The following FAXC variants were observed in gnomAD, a reference collection of about 807,000 sequenced individuals.
FAXC encodes failed axon connections homolog, metaxin like GST domain containing, also known as failed axon connections homolog.
A neutral mutation model predicts 41.9 loss-of-function variants in FAXC; 10 were observed. The observed-to-expected ratio is 0.24, with a 90% confidence interval of 0.15 to 0.41. The LOEUF is 0.41. FAXC is among the 10% of genes least tolerant of loss of function. FAXC has a pLI of 1.00. For missense variants in FAXC, 399 were observed against 510.9 expected (o/e 0.78, Z 2.11); for synonymous variants, 183 against 183.8 (o/e 1.00, Z 0.03).
chr6:99,341,501 A>T (rs1348804379), intron 2 of FAXC, among the ~76,000 whole-genome samples: 2 of 152,198 alleles, frequency 1.3e-5, no homozygotes, highest in African/African-American at 4.8e-5. Context: ...TTTAAAAAAT[A>T]GGAAGAGACA....
At position 99,272,617 on chromosome 6, in the gene FAXC, G is replaced by C. The variant is rs529814001; in HGVS notation, c.*8547C>G. ...GTTCTCACACTTCGTAACACTCTGA[G>C]GCACACTGGGCATGAAATAAAAGCA... On this transcript the variant is annotated 3_prime_UTR_variant, in exon 6 of 6. Coordinates refer to ENST00000389677, the MANE Select transcript of FAXC (RefSeq NM_032511.4). 23 of 152,292 alleles carry C rather than the reference G, an allele frequency of 1.5e-4. No individual in the cohort carries two copies. The highest frequency in any genetic ancestry group is 5.1e-4 in the African/African-American group (21 of 41,560). The allele number at this position is 152,292 out of a possible 1,614,324, so 9.4% of individuals were successfully genotyped here.
At chr6:99,284,256 C>T (rs2128447214) in intron 5 of FAXC, 1 of 152,260 alleles carries the variant, frequency 6.6e-6, no homozygotes, top group East Asian at 1.9e-4. Flanking sequence ...GGTCTCAAGA[C>T]TTATGAGGAG....
Position 99,276,640 on chromosome 6 carries a change from T to A in FAXC, c.*4524A>T, listed in dbSNP as rs1770635064. 6.6e-6 allele frequency: 1 copy of A among 152,228 alleles called. No homozygotes were observed. The highest frequency in any genetic ancestry group is 2.4e-5 in the African/African-American group (1 of 41,464). The allele number at this position is 152,228 out of a possible 1,614,324, so 9.4% of individuals were successfully genotyped here. ...TGTACTAATTTTTCTTCTCTCTGGC[T>A]GTGTTAAAAACAAGAACAAACACAA... On this transcript the variant is annotated 3_prime_UTR_variant, in exon 6 of 6. Coordinates refer to ENST00000389677, the MANE Select transcript of FAXC (RefSeq NM_032511.4).
At chr6:99,327,018 C>T (rs1024905430) in intron 3 of FAXC, among the ~76,000 whole-genome samples, 1 of 152,184 alleles carries the variant, frequency 6.6e-6, no homozygotes, top group African/African-American at 2.4e-5. Context: ...GAATGCAGGA[C>T]ACAGAAGACG....
At chr6:99,292,615 C>A (rs994292780) in intron 4 of FAXC, among the ~76,000 whole-genome samples, 1 of 152,206 alleles carries the variant, frequency 6.6e-6, no homozygotes, top group Non-Finnish European at 1.5e-5. Context: ...CTGGCATCAC[C>A]GTTATTCACT....
chr6:99,288,840 A>G (rs1311827465), intron 5 of FAXC, among the ~76,000 whole-genome samples: 1 of 148,416 alleles, frequency 6.7e-6, no homozygotes, highest in Non-Finnish European at 1.5e-5. Context: ...GGGCATGCAC[A>G]TGAATCGACA....
chr6:99,332,465 G>A (rs1414646132), intron 3 of FAXC, among the ~76,000 whole-genome samples: 1 of 152,132 alleles, frequency 6.6e-6, no homozygotes, highest in African/African-American at 2.4e-5. Context: ...TGTAGAGAAA[G>A]GTGCAGAAAC....
At chr6:99,334,613 T>G in intron 2 of FAXC, 1 of 981,414 alleles carries the variant, frequency 1.0e-6, no homozygotes. Flanking sequence ...CCACATACCA[T>G]AGCCCCTATT....
rs2128467234 is a variant in FAXC at position 99,349,459 on chromosome 6, G to A, written c.-87C>T. ...GGCGCGGCCCGGCGCGGGCTCAGAG[G>A]CGCGCGGAGGGCGCGGGCGGCGCGG... On this transcript the variant is annotated 5_prime_UTR_variant, in exon 1 of 6. Coordinates refer to ENST00000389677, the MANE Select transcript of FAXC (RefSeq NM_032511.4). 3 of 1,004,238 alleles carry A rather than the reference G, an allele frequency of 3.0e-6. No homozygotes were observed. Among genetic ancestry groups the A allele is most frequent in the Non-Finnish European group, 3.6e-6 (3 of 838,180 alleles). 62.2% of individuals were successfully genotyped at this position (1,004,238 alleles called of 1,614,324 possible). A position where few individuals can be genotyped will look rare whatever the true frequency, so the allele number is the denominator to read the frequency against.
At chr6:99,324,531 G>A (rs1266713150) in intron 3 of FAXC, among the ~76,000 whole-genome samples, 2 of 152,228 alleles carry the variant, frequency 1.3e-5, no homozygotes, top group African/African-American at 4.8e-5. Flanking sequence ...GAACTTGGCT[G>A]AATCCTTTTT....
At chr6:99,285,956 G>A (rs1771013716) in intron 5 of FAXC, among the ~76,000 whole-genome samples, 1 of 152,222 alleles carries the variant, frequency 6.6e-6, no homozygotes, top group African/African-American at 2.4e-5. Context: ...GGTTCTCCCA[G>A]CTGCCAATCA....
intron 5 of FAXC, among the ~76,000 whole-genome samples, chr6:99,287,201 G>A (rs1771059972): frequency 6.6e-6 from 1 of 152,068 alleles, no homozygotes; most frequent in African/African-American, 2.4e-5. Flanking sequence ...TTCATGACAA[G>A]GGAAATGGCC....
intron 1 of FAXC, among the ~76,000 whole-genome samples, chr6:99,343,417 A>C (rs1310276964): frequency 1.3e-5 from 2 of 152,184 alleles, no homozygotes; most frequent in Non-Finnish European, 2.9e-5. Context: ...GATAAAAATG[A>C]TATTCTGTGC....
chr6:99,291,151 G>C (rs1771223666), intron 5 of FAXC, among the ~76,000 whole-genome samples: 1 of 152,196 alleles, frequency 6.6e-6, no homozygotes, highest in Non-Finnish European at 1.5e-5. Flanking sequence ...CACTCTGTTA[G>C]AACAGGAGGA....
chr6:99,340,089 T>A (rs1468897970), intron 2 of FAXC, among the ~76,000 whole-genome samples: 1 of 152,036 alleles, frequency 6.6e-6, no homozygotes, highest in East Asian at 1.9e-4. Flanking sequence ...GAAAGAAGAA[T>A]GAGATTAACA....
intron 2 of FAXC, among the ~76,000 whole-genome samples, chr6:99,341,304 A>C (rs1469247347): frequency 6.6e-6 from 1 of 152,164 alleles, no homozygotes; most frequent in Non-Finnish European, 1.5e-5. Flanking sequence ...AATCATTTCA[A>C]TAAGTATAAA....
intron 4 of FAXC, among the ~76,000 whole-genome samples, chr6:99,314,405 C>T (rs753283395): frequency 1.7e-4 from 26 of 152,180 alleles, no homozygotes; most frequent in Non-Finnish European, 3.1e-4. Flanking sequence ...AAAACCCCGT[C>T]TCTACAAAAA....
At chr6:99,336,770 G>C (rs919558080) in intron 2 of FAXC, among the ~76,000 whole-genome samples, 11 of 152,140 alleles carry the variant, frequency 7.2e-5, no homozygotes, top group African/African-American at 2.7e-4. Flanking sequence ...ACAGTTGCTA[G>C]GATGAAATGA....
At chr6:99,347,640 G>A (rs898046179) in intron 1 of FAXC, among the ~76,000 whole-genome samples, 2 of 152,122 alleles carry the variant, frequency 1.3e-5, no homozygotes, top group East Asian at 1.9e-4. Flanking sequence ...TTTAAACTTG[G>A]TCCTGTGAAG....
Sources: gnomAD v4.1 joint callset for allele counts (sites outside exome capture counted in the v4.1 genomes callset) on GRCh38, gnomAD v4.1.1 for gene constraint, MANE v1.5 for transcripts, NCBI Gene and HGNC (gene_info 2026-07-23, HGNC 2026-07-21) for gene names.